The following PHLPP1 variants were observed in gnomAD, a reference collection of about 807,000 sequenced individuals.
PHLPP1 encodes the protein PH domain and leucine rich repeat protein phosphatase 1, also known as PH domain leucine-rich repeat-containing protein phosphatase 1.
PHLPP1 carries 42 observed loss-of-function variants against 117.2 expected under a neutral mutation model. The observed-to-expected ratio is 0.36, with a 90% CI of 0.28 to 0.46. The LOEUF (loss-of-function observed/expected upper bound fraction) is 0.46, where lower values mean the gene tolerates loss of function less well. Among genes scored for constraint, PHLPP1 ranks in the 20% least tolerant of loss-of-function variants. The pLI, the probability that PHLPP1 is intolerant of heterozygous loss-of-function variation, is 1.00. For missense variants in PHLPP1, 2,084 were observed against 2,241.9 expected (o/e 0.93, Z 1.42); for synonymous variants, 1,042 against 970.7 (o/e 1.07, Z -1.37).
chr18:62,827,451 C>T (rs1914640599), intron 1 of PHLPP1, among the ~76,000 whole-genome samples: 2 of 152,112 alleles, frequency 1.3e-5, no homozygotes, highest in Non-Finnish European at 2.9e-5. Context: ...TGTTGTAGAA[C>T]AAGGAAGTCT....
rs1371645168 is a variant in PHLPP1 at position 62,798,578 on chromosome 18, T to A, written c.1577-31457T>A. The stretch of plus-strand genomic sequence containing the variant: ...CCTTTTAAAAGTCTTCAGAAACATT[T>A]TAGAGTTATGTTGTTGAAGTATTTG... On this transcript the variant is annotated intron_variant, in intron 1 of 16. Coordinates refer to ENST00000262719, the MANE Select transcript of PHLPP1 (RefSeq NM_194449.4). Among the ~76,000 whole-genome samples the A allele has an allele frequency of 4.6e-5, 7 of 152,330 alleles. No individual in the cohort carries two copies. In the East Asian group the frequency reaches 1.3e-3, roughly 29 times the overall value.
chr18:62,965,622 C>G (rs57535014), intron 14 of PHLPP1, among the ~76,000 whole-genome samples: 2 of 151,358 alleles, frequency 1.3e-5, no homozygotes, highest in Non-Finnish European at 2.9e-5. Flanking sequence ...CCATGCCCGA[C>G]TAATTTTTGT....
chr18:62,805,644 A>G (rs2144305776), intron 1 of PHLPP1, among the ~76,000 whole-genome samples: 1 of 152,286 alleles, frequency 6.6e-6, no homozygotes, highest in Admixed American at 6.5e-5. Context: ...TATAGGTATA[A>G]GCCACCATGC....
intron 1 of PHLPP1, among the ~76,000 whole-genome samples, 176 bp downstream of exon 1, chr18:62,717,435 T>G (rs1910792402): frequency 1.3e-5 from 2 of 152,190 alleles, no homozygotes; most frequent in Non-Finnish European, 2.9e-5. Context: ...GAGCAATCTT[T>G]AAATCTGCAC....
intron 1 of PHLPP1, chr18:62,825,311 T>G (rs535968015): frequency 1.3e-5 from 2 of 151,166 alleles, no homozygotes; most frequent in Non-Finnish European, 2.9e-5. Flanking sequence ...ATGTTAGTTT[T>G]GGCTTTCTGA....
intron 1 of PHLPP1, among the ~76,000 whole-genome samples, chr18:62,813,722 C>T (rs1161617985): frequency 6.6e-6 from 1 of 152,114 alleles, no homozygotes; most frequent in East Asian, 1.9e-4. Context: ...GGCAGAGCCC[C>T]TCAATCTCTG....
Position 62,902,699 on chromosome 18 carries a change from A to T in PHLPP1, c.2445-265A>T, listed in dbSNP as rs910588893. Among the ~76,000 whole-genome samples, 3 of 152,146 alleles carry T rather than the reference A, an allele frequency of 2.0e-5. No homozygotes were observed. The South Asian group carries it at 6.2e-4, about 32-fold the overall frequency. On this transcript the variant is annotated intron_variant, in intron 6 of 16. Coordinates refer to ENST00000262719, the MANE Select transcript of PHLPP1 (RefSeq NM_194449.4). ...TTCCCTCTTGAAGTGAATTAAGGTA[A>T]AGTCAATGTGCTTATTCCTCTCCCA... is the stretch of plus-strand genomic sequence containing the variant.
At chr18:62,783,422 G>GT (rs1449172352) in intron 1 of PHLPP1, among the ~76,000 whole-genome samples, 1 of 151,894 alleles carries the variant, frequency 6.6e-6, no homozygotes, top group Non-Finnish European at 1.5e-5. Flanking sequence ...TAGAGACGGG[G>GT]TTTCACCATG....
chr18:62,747,068 T>C (rs1470410314), intron 1 of PHLPP1, among the ~76,000 whole-genome samples: 1 of 152,166 alleles, frequency 6.6e-6, no homozygotes, highest in Non-Finnish European at 1.5e-5. Flanking sequence ...TTCTCTTTAC[T>C]GTTGGTCTAA....
chr18:62,792,835 C>T (rs982249450), intron 1 of PHLPP1, among the ~76,000 whole-genome samples: 2 of 144,532 alleles, frequency 1.4e-5, no homozygotes, highest in African/African-American at 5.3e-5. Context: ...TGCCACTGCA[C>T]TCCAGCCTTG....
intron 1 of PHLPP1, among the ~76,000 whole-genome samples, chr18:62,799,893 G>A (rs1913727050): frequency 6.6e-6 from 1 of 152,154 alleles, no homozygotes; most frequent in East Asian, 1.9e-4. Flanking sequence ...ACAGGAAATA[G>A]CACACTTAAA....
rs753924238 is a variant in PHLPP1 at position 62,975,566 on chromosome 18, A to C, written c.3925A>C (p.Ile1309Leu). 5.0e-6 allele frequency: 8 copies of C among 1,613,896 alleles called. No homozygotes were observed. The highest frequency in any genetic ancestry group is 5.1e-6 in the Non-Finnish European group (6 of 1,179,874). Residue 1309 changes from isoleucine to leucine, a missense_variant, in exon 16 of 17, where the codon ATC becomes CTC. Physicochemically the swap from Ile to Leu is conservative, Grantham distance 5 (BLOSUM62 2). Coordinates refer to ENST00000262719, the MANE Select transcript of PHLPP1 (RefSeq NM_194449.4). ...GCCGCTGCCTCTGTCCAGATCTTAC[A>C]TCATGAGCTGTGAAGAAGAGCTGAA... ...GKPLPLSRSY[I>L]MSCEEELKRI...
chr18:62,900,254 A>G (rs1916676208), intron 6 of PHLPP1, among the ~76,000 whole-genome samples: 1 of 151,794 alleles, frequency 6.6e-6, no homozygotes, highest in South Asian at 2.1e-4. Flanking sequence ...CCAAGATCGC[A>G]CCACTGCACT....
intron 16 of PHLPP1, among the ~76,000 whole-genome samples, chr18:62,977,627 G>A (rs1911228907): frequency 6.6e-6 from 1 of 152,142 alleles, no homozygotes; most frequent in Non-Finnish European, 1.5e-5. Flanking sequence ...CTCCTGACAT[G>A]AGCATTCTTA....
At chr18:62,726,268 T>G (rs1911067251) in intron 1 of PHLPP1, among the ~76,000 whole-genome samples, 1 of 152,006 alleles carries the variant, frequency 6.6e-6, no homozygotes, top group African/African-American at 2.4e-5. Context: ...TGCAGTTAAT[T>G]TTGTTGAACA....
intron 16 of PHLPP1, among the ~76,000 whole-genome samples, chr18:62,977,182 G>A (rs1335576178): frequency 1.3e-5 from 2 of 152,122 alleles, no homozygotes; most frequent in East Asian, 1.9e-4. Flanking sequence ...GCAAAGTTGT[G>A]TGAGAAGCTG....
At chr18:62,773,250 T>G (rs548051521) in intron 1 of PHLPP1, among the ~76,000 whole-genome samples, 10 of 152,238 alleles carry the variant, frequency 6.6e-5, no homozygotes, top group Non-Finnish European at 5.9e-5. Flanking sequence ...TCACAGGTTT[T>G]AGCTGCTGGA....
chr18:62,862,973 A>G (rs1015575876), intron 4 of PHLPP1, among the ~76,000 whole-genome samples: 4 of 152,088 alleles, frequency 2.6e-5, no homozygotes, highest in Admixed American at 2.0e-4. Context: ...AGACTCTAAT[A>G]AGGATATTTT....
intron 10 of PHLPP1, among the ~76,000 whole-genome samples, chr18:62,928,381 A>G (rs1025254617): frequency 3.3e-5 from 5 of 152,184 alleles, no homozygotes; most frequent in African/African-American, 1.2e-4. Flanking sequence ...GTCTCAAAAG[A>G]AAATATACAA....
Sources: allele counts gnomAD v4.1 joint callset (sites outside exome capture counted in the v4.1 genomes callset), GRCh38; gene constraint gnomAD v4.1.1; transcripts MANE v1.5; gene names NCBI Gene and HGNC (gene_info 2026-07-23, HGNC 2026-07-21).